The following GABRA2 variants were observed in gnomAD, a reference collection of about 807,000 sequenced individuals.
The protein encoded by GABRA2 is gamma-aminobutyric acid type A receptor subunit alpha2.
GABRA2 carries 16 observed loss-of-function variants against 48.7 expected under a neutral mutation model. The observed-to-expected ratio is 0.33, with a 90% CI of 0.22 to 0.50. GABRA2 has a LOEUF of 0.50. GABRA2 is among the 20% of genes least tolerant of loss of function. GABRA2 has a pLI of 0.98. For missense variants in GABRA2, 275 were observed against 535.6 expected (o/e 0.51, Z 4.80); for synonymous variants, 185 against 184.5 (o/e 1.00, Z -0.02).
intron 3 of GABRA2, chr4:46,369,040 C>A (rs1714483470): frequency 1.4e-6 from 1 of 696,600 alleles, no homozygotes; most frequent in South Asian, 1.5e-5. Context: ...AGATGCTGAG[C>A]AAAATAATTA....
chr4:46,369,549 G>GA (rs33988800), intron 3 of GABRA2, among the ~76,000 whole-genome samples: 8 of 151,520 alleles, frequency 5.3e-5, no homozygotes, highest in East Asian at 2.0e-4. Flanking sequence ...ACTACAGGCT[G>GA]AAAAAAAACA....
At chr4:46,327,782 A>G (rs969461829) in intron 4 of GABRA2, among the ~76,000 whole-genome samples, 8 of 152,120 alleles carry the variant, frequency 5.3e-5, no homozygotes, top group African/African-American at 1.4e-4. Context: ...TAATCAAGAA[A>G]CCAAGGTCAT....
At chr4:46,354,028 A>G (rs762627776) in intron 3 of GABRA2, among the ~76,000 whole-genome samples, 4 of 152,314 alleles carry the variant, frequency 2.6e-5, no homozygotes, top group Non-Finnish European at 5.9e-5. Flanking sequence ...AAATTTATGA[A>G]GAATTAATAA....
At chr4:46,365,952 A>G (rs890775878) in intron 3 of GABRA2, 1 of 152,086 alleles carries the variant, frequency 6.6e-6, no homozygotes, top group Non-Finnish European at 1.5e-5. Flanking sequence ...CTTCAATATC[A>G]CTTATAATAA....
intron 9 of GABRA2, chr4:46,261,422 A>G (rs1716950496): frequency 6.3e-6 from 1 of 159,990 alleles, no homozygotes; most frequent in South Asian, 1.7e-4. Flanking sequence ...TCATTGATAG[A>G]GCCTGGAATT....
chr4:46,350,699 G>A (rs553908379), intron 3 of GABRA2, among the ~76,000 whole-genome samples: 90 of 151,552 alleles, frequency 5.9e-4, no homozygotes, highest in African/African-American at 2.0e-3. Context: ...TCTTTCTTAC[G>A]TCCTTTCTGA....
rs193032796 is a variant in GABRA2, at chr4:46,324,018, G to A, written c.255+8597C>T. On this transcript the variant is annotated intron_variant, in intron 4 of 9. Coordinates refer to ENST00000381620, the MANE Select transcript of GABRA2 (RefSeq NM_000807.4). ...AAGCCTCACTGATAGTTATAATGCC[G>A]TATAGCTGCTGCCCTCTGTCTCGCC... Among the ~76,000 whole-genome samples, 78 of 151,880 alleles carry A rather than the reference G, an allele frequency of 5.1e-4. 1 individual carries two copies. Among genetic ancestry groups the A allele is most frequent in the Non-Finnish European group, 2.5e-4 (17 of 67,890 alleles).
chr4:46,263,896 A>G (rs984743179), intron 8 of GABRA2, among the ~76,000 whole-genome samples: 23 of 150,104 alleles, frequency 1.5e-4, no homozygotes, highest in African/African-American at 4.2e-4. Context: ...CACAGGATAT[A>G]TTTCCATTAG....
At chr4:46,339,173 C>T (rs752763896) in intron 3 of GABRA2, among the ~76,000 whole-genome samples, 1 of 151,636 alleles carries the variant, frequency 6.6e-6, no homozygotes, top group Non-Finnish European at 1.5e-5. Flanking sequence ...TATATCTACT[C>T]CTATGGTAGA....
rs1713698771 is a variant in GABRA2, at chr4:46,246,273, G to A, written c.*4035C>T. On this transcript the variant is annotated 3_prime_UTR_variant, in exon 10 of 10. Transcript: ENST00000381620. ...AATTCTGAGCTCTTAAATACTGATGGAAAATATTAATATCTTTAATATAAA... is the reference window on the plus strand; with the variant it reads ...AATTCTGAGCTCTTAAATACTGATGAAAAATATTAATATCTTTAATATAAA... 6.6e-6 allele frequency among the ~76,000 whole-genome samples: 1 copy of A among 150,730 alleles called. No individual in the cohort carries two copies. Among genetic ancestry groups the A allele is most frequent in the South Asian group, 2.1e-4 (1 of 4,820 alleles).
intron 3 of GABRA2, chr4:46,365,340 C>A (rs147322914): frequency 6.6e-6 from 1 of 152,170 alleles, no homozygotes; most frequent in Non-Finnish European, 1.5e-5. Context: ...TAAAGGGCAT[C>A]CCACAAAGGA....
chr4:46,357,479 C>T (rs1285987583), intron 3 of GABRA2, among the ~76,000 whole-genome samples: 2 of 149,612 alleles, frequency 1.3e-5, no homozygotes, highest in East Asian at 3.9e-4. Flanking sequence ...CTCTCACTTA[C>T]TATGTGTATA....
intron 7 of GABRA2, 121 bp downstream of exon 7, chr4:46,305,447 C>T (rs1197206543): frequency 3.6e-6 from 3 of 826,362 alleles, no homozygotes; most frequent in Non-Finnish European, 5.7e-6. Flanking sequence ...CAAGCACAGC[C>T]TATGCTGCTA....
At chr4:46,309,740 G>A (rs2109672315) in intron 6 of GABRA2, among the ~76,000 whole-genome samples, 1 of 152,142 alleles carries the variant, frequency 6.6e-6, no homozygotes, top group East Asian at 1.9e-4. Context: ...ATTAGTTACA[G>A]TAGAAGACAA....
chr4:46,262,978 G>A (rs1317462801), intron 8 of GABRA2, among the ~76,000 whole-genome samples: 2 of 149,732 alleles, frequency 1.3e-5, no homozygotes, highest in Non-Finnish European at 3.0e-5. Flanking sequence ...GAGAGAGAGA[G>A]GGAGGGAGGG....
In GABRA2 at chr4:46,250,259, A is replaced by T; in HGVS notation, c.*49T>A. On this transcript the variant is annotated 3_prime_UTR_variant, in exon 10 of 10. Transcript: ENST00000381620. ...TAGTCAGACTGTACATAGCAAAACA[A>T]ACCAAATTTAATGTTGCTATACATC... The T allele has an allele frequency of 6.5e-7, 1 of 1,532,000 alleles. No homozygotes were observed. 94.9% of individuals were successfully genotyped at this position (1,532,000 alleles called of 1,614,324 possible).
In GABRA2 at chr4:46,291,126, G is replaced by A. The variant is rs117226216; in HGVS notation, c.856+12334C>T. 1.9e-3 allele frequency among the ~76,000 whole-genome samples: 291 copies of A among 152,162 alleles called. 3 individuals are homozygous for A. In the East Asian group the frequency reaches 0.031, roughly 16 times the overall value. On this transcript the variant is annotated intron_variant, in intron 8 of 9. Transcript: ENST00000381620. ...AGTTAGGAAGTGTTCTTTAAACTTC[G>A]ATTTTTTGGAGGAGTTTGGAGATGA...
At chr4:46,384,729 C>G (rs921694513) in intron 3 of GABRA2, among the ~76,000 whole-genome samples, 1 of 152,162 alleles carries the variant, frequency 6.6e-6, no homozygotes, top group African/African-American at 2.4e-5. Context: ...GCTTACTTCT[C>G]TTATACAAGT....
intron 3 of GABRA2, among the ~76,000 whole-genome samples, chr4:46,376,061 G>A (rs1022498496): frequency 2.6e-5 from 4 of 152,138 alleles, no homozygotes; most frequent in South Asian, 2.1e-4. Context: ...TCATCTCCCC[G>A]AGGGACCTCA....
Sources: gnomAD v4.1 joint callset for allele counts (sites outside exome capture counted in the v4.1 genomes callset) on GRCh38, gnomAD v4.1.1 for gene constraint, MANE v1.5 for transcripts, NCBI Gene and HGNC (gene_info 2026-07-23, HGNC 2026-07-21) for gene names.